SLC15A5: variants seen among roughly 807,000 people sequenced by gnomAD.
SLC15A5 encodes the protein solute carrier family 15 member 5, also known as Peptide/histidine transporter ENSP00000340402.
Under a neutral mutation model 56.1 loss-of-function variants are expected in SLC15A5, and 58 were observed. The observed-to-expected ratio is 1.03, with a 90% CI of 0.84 to 1.29. SLC15A5 has a LOEUF of 1.29. SLC15A5 is among the 50% of genes most tolerant of loss of function. The pLI is 0.00. For synonymous variants in SLC15A5, 264 were observed against 250.5 expected, an observed-to-expected ratio of 1.05 and a Z score of -0.51; for missense variants, 681 against 672.1, an observed-to-expected ratio of 1.01 and a Z score of -0.15.
intron 5 of SLC15A5, among the ~76,000 whole-genome samples, chr12:16,232,513 G>C (rs1864308624): frequency 6.6e-6 from 1 of 152,146 alleles, no homozygotes; most frequent in Non-Finnish European, 1.5e-5. Flanking sequence ...GGTTGAAAAA[G>C]ACCTTTACCA....
intron 7 of SLC15A5, among the ~76,000 whole-genome samples, chr12:16,207,555 T>C (rs1304085591): frequency 1.3e-5 from 2 of 152,180 alleles, no homozygotes; most frequent in African/African-American, 4.8e-5. Context: ...CTTCTGAATA[T>C]CACTGGGCAA....
chr12:16,257,658 A>G (rs36003122), intron 3 of SLC15A5, 43 bp downstream of exon 3: 14 of 1,331,432 alleles, frequency 1.1e-5, no homozygotes, highest in Non-Finnish European at 1.4e-5. Flanking sequence ...TGTCAAGAAA[A>G]CAATATAAAC....
chr12:16,266,558 A>G (rs1460876345), intron 2 of SLC15A5, among the ~76,000 whole-genome samples: 3 of 152,232 alleles, frequency 2.0e-5, no homozygotes, highest in Non-Finnish European at 2.9e-5. Flanking sequence ...ATTTTCTGAA[A>G]GAATTACCTA....
Position 16,232,248 on chromosome 12 carries a change from C to G in SLC15A5, c.1162+7433G>C, listed in dbSNP as rs894576887. On this transcript the variant is annotated intron_variant, in intron 5 of 8. Coordinates refer to ENST00000344941, the MANE Select transcript of SLC15A5 (RefSeq NM_001170798.1). ...AATACAAAACTCAGCAGAAAATTTG[C>G]AGGATGAAGTCAAAGAAATTTCCAA... 2.6e-5 allele frequency among the ~76,000 whole-genome samples: 4 copies of G among 152,122 alleles called. No homozygotes were observed. The East Asian group carries it at 7.7e-4, about 29-fold the overall frequency.
In SLC15A5 at chr12:16,188,981, C is replaced by T. The variant is rs1863814061; in HGVS notation, c.*687G>A. 1 of 151,686 alleles carries T rather than the reference C, an allele frequency of 6.6e-6. No individual in the cohort carries two copies. The highest frequency in any genetic ancestry group is 1.5e-5 in the Non-Finnish European group (1 of 67,888). 9.4% of individuals were successfully genotyped at this position (151,686 alleles called of 1,614,324 possible). ...TTGGTTTGGTCACTTACCCTCCTCT[C>T]AGCCCCCTCATTTTATCTTCCCTAA... On this transcript the variant is annotated 3_prime_UTR_variant, in exon 9 of 9. Transcript: ENST00000344941.
chr12:16,251,399 T>C (rs1446466738), intron 3 of SLC15A5, among the ~76,000 whole-genome samples: 1 of 151,802 alleles, frequency 6.6e-6, no homozygotes, highest in East Asian at 1.9e-4. Flanking sequence ...TGAAAGCATG[T>C]TGATTTTTGG....
At chr12:16,234,013 T>C (rs1039369073) in intron 5 of SLC15A5, among the ~76,000 whole-genome samples, 1 of 152,196 alleles carries the variant, frequency 6.6e-6, no homozygotes, top group African/African-American at 2.4e-5. Context: ...AAAAAAAGTG[T>C]GAGACTGAGT....
At chr12:16,241,183 G>C (rs1429371113) in intron 4 of SLC15A5, among the ~76,000 whole-genome samples, 2 of 152,110 alleles carry the variant, frequency 1.3e-5, no homozygotes, top group Admixed American at 1.3e-4. Context: ...GAGTGTCATA[G>C]ACAGAAAGTC....
rs532669800 is a variant in SLC15A5, at chr12:16,277,405, G to C, written c.281C>G (p.Pro94Arg). Residue 94 changes from proline (P) to arginine (R), a missense_variant, in exon 1 of 9, where the codon CCT becomes CGT. Coordinates refer to ENST00000344941, the MANE Select transcript of SLC15A5 (RefSeq NM_001170798.1). The stretch of plus-strand genomic sequence containing the variant: ...ATCAGTGAGCCATCTGACAAACACA[G>C]GGGTAAGTATTGAAGTTCCAATAAA... ...LCFIGTSILT[P>R]VFVRWLTDVY... 6.5e-7 allele frequency: 1 copy of C among 1,536,402 alleles called. No homozygotes were observed. Among genetic ancestry groups the C allele is most frequent in the Non-Finnish European group, 8.7e-7 (1 of 1,146,390 alleles).
chr12:16,190,934 T>C (rs1913256), intron 8 of SLC15A5, among the ~76,000 whole-genome samples: 73,073 of 151,930 alleles, frequency 0.48, 18,057 homozygotes, highest in South Asian at 0.72. Context: ...GTGTTAGTTA[T>C]AAAAACAAAC....
rs1309992667 is a variant in SLC15A5, at chr12:16,189,440, G to A, written c.*228C>T. 3 of 315,240 alleles carry A rather than the reference G, an allele frequency of 9.5e-6. No individual in the cohort carries two copies. The East Asian group carries it at 1.5e-4, about 16-fold the overall frequency. 19.5% of individuals were successfully genotyped at this position (315,240 alleles called of 1,614,324 possible). A position where few individuals can be genotyped will look rare whatever the true frequency, so the allele number is the denominator to read the frequency against. On this transcript the variant is annotated 3_prime_UTR_variant, in exon 9 of 9. Coordinates refer to ENST00000344941, the MANE Select transcript of SLC15A5 (RefSeq NM_001170798.1). The stretch of plus-strand genomic sequence containing the variant: ...TTTTTTTTGTCATAGAGTAATCACT[G>A]AGACTTTGAAATTATTTTATTAATT...
intron 1 of SLC15A5, among the ~76,000 whole-genome samples, chr12:16,274,346 G>T (rs1322939713): frequency 6.6e-6 from 1 of 151,960 alleles, no homozygotes; most frequent in Non-Finnish European, 1.5e-5. Context: ...TTGTTTTGAT[G>T]ATTCGATTAG....
intron 8 of SLC15A5, among the ~76,000 whole-genome samples, chr12:16,190,322 C>T (rs1863828540): frequency 6.6e-6 from 1 of 152,124 alleles, no homozygotes; most frequent in South Asian, 2.1e-4. Context: ...AGAATCATCC[C>T]ATTTCACAGA....
At chr12:16,201,595 A>G (rs920105450) in intron 7 of SLC15A5, among the ~76,000 whole-genome samples, 1 of 152,112 alleles carries the variant, frequency 6.6e-6, no homozygotes, top group Non-Finnish European at 1.5e-5. Context: ...GGTTTCCCCC[A>G]TGCTGTTCTC....
intron 6 of SLC15A5, among the ~76,000 whole-genome samples, chr12:16,220,744 C>A (rs1320614062): frequency 6.6e-6 from 1 of 152,118 alleles, no homozygotes; most frequent in Admixed American, 6.6e-5. Context: ...CTGATTAGAG[C>A]CTTCTATCTT....
At chr12:16,212,289 G>T (rs886394956) in intron 7 of SLC15A5, among the ~76,000 whole-genome samples, 2 of 152,020 alleles carry the variant, frequency 1.3e-5, no homozygotes, top group African/African-American at 2.4e-5. Flanking sequence ...CTCTCATCCT[G>T]TCTGAGAAAA....
At chr12:16,262,288 A>G (rs1335691136) in intron 2 of SLC15A5, among the ~76,000 whole-genome samples, 1 of 152,166 alleles carries the variant, frequency 6.6e-6, no homozygotes, top group Non-Finnish European at 1.5e-5. Context: ...GCAGCCTTTA[A>G]CATTTGAAAT....
chr12:16,206,432 CTGAGT>C (rs1334281621), intron 7 of SLC15A5, among the ~76,000 whole-genome samples: 2 of 152,118 alleles, frequency 1.3e-5, no homozygotes, highest in African/African-American at 4.8e-5. Context: ...GCTCTCCTAC[CTGAGT>C]TAATTTTTAA....
At chr12:16,197,894 T>A (rs1820895277) in intron 7 of SLC15A5, among the ~76,000 whole-genome samples, 1 of 152,162 alleles carries the variant, frequency 6.6e-6, no homozygotes, top group African/African-American at 2.4e-5. Context: ...TTGTGCCATT[T>A]TTCATCTGAC....
Sources: gnomAD v4.1 joint callset for allele counts (sites outside exome capture counted in the v4.1 genomes callset) on GRCh38, gnomAD v4.1.1 for gene constraint, MANE v1.5 for transcripts, NCBI Gene and HGNC (gene_info 2026-07-23, HGNC 2026-07-21) for gene names.